The following CTNNA2 variants were observed in gnomAD, a reference collection of about 807,000 sequenced individuals.
CTNNA2 encodes the protein catenin alpha 2.
A neutral mutation model predicts 101.0 loss-of-function variants in CTNNA2; 42 were observed. That is an observed-to-expected ratio of 0.42 (90% confidence interval 0.32 to 0.54). The LOEUF (loss-of-function observed/expected upper bound fraction) is 0.54, where lower values mean the gene tolerates loss of function less well. Among genes scored for constraint, CTNNA2 ranks in the 20% least tolerant of loss-of-function variants. The pLI is 0.14. For missense variants in CTNNA2, 871 were observed against 1,223.1 expected, an observed-to-expected ratio of 0.71 and a Z score of 4.29; for synonymous variants, 450 against 456.4, an observed-to-expected ratio of 0.99 and a Z score of 0.18.
intron 8 of CTNNA2, among the ~76,000 whole-genome samples, chr2:80,406,593 G>A (rs912445745): frequency 3.9e-5 from 6 of 152,156 alleles, no homozygotes; most frequent in African/African-American, 9.6e-5. Flanking sequence ...TTGGGAGGCC[G>A]AGGCAGGCGG....
At chr2:80,017,281 CAACT>C (rs1694218871) in intron 7 of CTNNA2, among the ~76,000 whole-genome samples, 1 of 151,734 alleles carries the variant, frequency 6.6e-6, no homozygotes, top group African/African-American at 2.4e-5. Context: ...AGTAGGTGTG[CAACT>C]AATATTAGTT....
At chr2:79,557,600 GA>G (rs1167510928) in intron 1 of CTNNA2, among the ~76,000 whole-genome samples, 2 of 151,854 alleles carry the variant, frequency 1.3e-5, no homozygotes, top group Non-Finnish European at 2.9e-5. Context: ...ACTTTTAGGG[GA>G]TGTACTAAAC....
intron 1 of CTNNA2, among the ~76,000 whole-genome samples, chr2:79,189,257 T>C (rs539466004): frequency 2.2e-4 from 33 of 152,344 alleles, no homozygotes; most frequent in African/African-American, 7.7e-4. Context: ...TCATTTCTGA[T>C]ATTGATAATT....
At chr2:80,421,940 T>C (rs562044915) in intron 9 of CTNNA2, among the ~76,000 whole-genome samples, 80 of 152,322 alleles carry the variant, frequency 5.3e-4, no homozygotes, top group Non-Finnish European at 9.8e-4. Context: ...TGTATATTGA[T>C]TTTATATCCA....
chr2:79,710,510 C>T (rs1685671645), intron 2 of CTNNA2, among the ~76,000 whole-genome samples: 1 of 152,132 alleles, frequency 6.6e-6, no homozygotes, highest in Non-Finnish European at 1.5e-5. Flanking sequence ...AGAAGTGTTT[C>T]CATTTCCACC....
intron 4 of CTNNA2, among the ~76,000 whole-genome samples, chr2:79,416,668 A>G (rs915456380): frequency 2.6e-5 from 4 of 152,126 alleles, no homozygotes; most frequent in African/African-American, 7.2e-5. Context: ...ATCCTTGTCA[A>G]TAAACACCTG....
At chr2:80,352,479 T>C (rs571034004) in intron 7 of CTNNA2, among the ~76,000 whole-genome samples, 1 of 152,268 alleles carries the variant, frequency 6.6e-6, no homozygotes, top group South Asian at 2.1e-4. Flanking sequence ...GAAAGCCAAC[T>C]AGCAGCAGTC....
intron 4 of CTNNA2, among the ~76,000 whole-genome samples, chr2:79,453,982 G>A (rs558208624): frequency 1.3e-5 from 2 of 152,188 alleles, no homozygotes; most frequent in African/African-American, 4.8e-5. Flanking sequence ...TTAAAATATA[G>A]ATTTATTATC....
chr2:80,548,345 A>T (rs916178859), intron 11 of CTNNA2, among the ~76,000 whole-genome samples: 2 of 152,172 alleles, frequency 1.3e-5, no homozygotes, highest in African/African-American at 4.8e-5. Flanking sequence ...TCATTTTAGA[A>T]CTTACAACTT....
At chr2:80,153,094 C>A (rs1204763854) in intron 7 of CTNNA2, among the ~76,000 whole-genome samples, 1 of 152,184 alleles carries the variant, frequency 6.6e-6, no homozygotes, top group Non-Finnish European at 1.5e-5. Context: ...CATCCGGTGC[C>A]AAATTTAGCA....
At chr2:79,656,927 A>T (rs974586572) in intron 2 of CTNNA2, among the ~76,000 whole-genome samples, 3 of 151,948 alleles carry the variant, frequency 2.0e-5, no homozygotes, top group African/African-American at 7.2e-5. Context: ...TGAGTTAATG[A>T]AAAAGAAGAT....
chr2:80,488,771 G>T lies in CTNNA2; in HGVS notation c.1291-56211G>T, dbSNP rs1254184842. On this transcript the variant is annotated intron_variant, in intron 9 of 18. Coordinates refer to ENST00000402739, the MANE Select transcript of CTNNA2 (RefSeq NM_001282597.3). ...TAGAACTAAGTCCCAGGTTGTATTTGTACAAATGCCTGCCAAAGATGGATA... is the reference window on the plus strand; with the variant it reads ...TAGAACTAAGTCCCAGGTTGTATTTTTACAAATGCCTGCCAAAGATGGATA... Among the ~76,000 whole-genome samples the T allele has an allele frequency of 1.3e-5, 2 of 152,172 alleles. 1 individual carries two copies. The highest frequency in any genetic ancestry group is 4.8e-5 in the African/African-American group (2 of 41,448).
intron 13 of CTNNA2, chr2:80,578,948 A>G (rs181462856): frequency 1.3e-5 from 2 of 152,304 alleles, no homozygotes; most frequent in East Asian, 3.9e-4. Context: ...AATTATCACC[A>G]TCATTTATGA....
chr2:79,728,853 T>TTA, intron 2 of CTNNA2, among the ~76,000 whole-genome samples: 1 of 152,306 alleles, frequency 6.6e-6, no homozygotes, highest in South Asian at 2.1e-4. Context: ...CATTGCTTGT[T>TTA]TCTCTCAGGT....
At chr2:79,283,812 TG>T (rs1444862789) in intron 2 of CTNNA2, among the ~76,000 whole-genome samples, 1 of 114,414 alleles carries the variant, frequency 8.7e-6, no homozygotes, top group African/African-American at 3.1e-5. Context: ...ATTGGTAGCT[TG>T]ATGGGGATGG....
At chr2:79,614,592 G>A (rs113974019) in intron 1 of CTNNA2, among the ~76,000 whole-genome samples, 3,302 of 152,124 alleles carry the variant, frequency 0.022, 122 homozygotes, top group African/African-American at 0.073. Flanking sequence ...ATTTTAAAAT[G>A]CTCTAAGTAC....
Position 80,323,583 on chromosome 2 carries a change from G to T in CTNNA2, c.1057-69628G>T, listed in dbSNP as rs191323237. Among the ~76,000 whole-genome samples, 616 of 152,060 alleles carry T rather than the reference G, an allele frequency of 4.1e-3. 2 individuals are homozygous for T. Among genetic ancestry groups the T allele is most frequent in the African/African-American group, 0.014 (574 of 41,482 alleles). On this transcript the variant is annotated intron_variant, in intron 7 of 18. Transcript: ENST00000402739. Reference sequence around the variant, plus strand: ...TGGTTTCTTATTGACCTTCTCTCTTGCCAGCTCCTCTTCTCTTTCTCTCTG... The same window carrying T: ...TGGTTTCTTATTGACCTTCTCTCTTTCCAGCTCCTCTTCTCTTTCTCTCTG...
At chr2:79,930,584 A>G (rs1477862963) in intron 7 of CTNNA2, among the ~76,000 whole-genome samples, 1 of 152,180 alleles carries the variant, frequency 6.6e-6, no homozygotes, top group African/African-American at 2.4e-5. Flanking sequence ...GAATCTGGCT[A>G]CCCACTATAG....
intron 2 of CTNNA2, among the ~76,000 whole-genome samples, chr2:79,253,456 T>G (rs1042451634): frequency 6.6e-6 from 1 of 152,216 alleles, no homozygotes; most frequent in Non-Finnish European, 1.5e-5. Flanking sequence ...AAATAAGATT[T>G]GCAAATCAGC....
Sources: allele counts gnomAD v4.1 joint callset (sites outside exome capture counted in the v4.1 genomes callset), GRCh38; gene constraint gnomAD v4.1.1; transcripts MANE v1.5; gene names NCBI Gene and HGNC (gene_info 2026-07-23, HGNC 2026-07-21).